GLCCI1: variants seen among roughly 807,000 people sequenced by gnomAD.
The protein encoded by GLCCI1 is glucocorticoid-induced transcript 1 protein.
A neutral mutation model predicts 52.2 loss-of-function variants in GLCCI1; 24 were observed. That is an observed-to-expected ratio of 0.46 (90% CI 0.33 to 0.65). The LOEUF is 0.65. Ranked by LOEUF, GLCCI1 falls within the 30% of genes least tolerant of loss-of-function variation. The pLI is 0.02. For missense variants in GLCCI1, 704 were observed against 701.5 expected (o/e 1.00, Z -0.04); for synonymous variants, 310 against 276.5 (o/e 1.12, Z -1.20).
chr7:8,016,027 C>T (rs984495764), intron 2 of GLCCI1, among the ~76,000 whole-genome samples: 1 of 152,112 alleles, frequency 6.6e-6, no homozygotes, highest in Non-Finnish European at 1.5e-5. Flanking sequence ...TACTCTGGTC[C>T]CCTGACCTGT....
At chr7:7,976,918 T>G (rs1215949495) in intron 1 of GLCCI1, among the ~76,000 whole-genome samples, 1 of 144,974 alleles carries the variant, frequency 6.9e-6, no homozygotes, top group Non-Finnish European at 1.5e-5. Context: ...TGGGGTGTTG[T>G]CTCAAAAAAA....
chr7:8,026,848 TA>T (rs369246973), intron 3 of GLCCI1, among the ~76,000 whole-genome samples: 25 of 152,170 alleles, frequency 1.6e-4, no homozygotes, highest in Middle Eastern at 3.4e-3. Flanking sequence ...GAGGAGAAAG[TA>T]AGGGAAAAGA....
At chr7:7,974,459 G>A (rs776137997) in intron 1 of GLCCI1, among the ~76,000 whole-genome samples, 7 of 152,128 alleles carry the variant, frequency 4.6e-5, no homozygotes, top group Admixed American at 3.3e-4. Flanking sequence ...AAGGACTGCC[G>A]TGTACGTTTC....
chr7:8,064,601 A>G (rs1321044597), intron 5 of GLCCI1, among the ~76,000 whole-genome samples: 1 of 152,164 alleles, frequency 6.6e-6, no homozygotes, highest in Non-Finnish European at 1.5e-5. Context: ...TTGGTTCTAT[A>G]TGAATTTTAA....
intron 2 of GLCCI1, among the ~76,000 whole-genome samples, chr7:8,004,538 A>G (rs1003105122): frequency 6.6e-6 from 1 of 152,194 alleles, no homozygotes; most frequent in Non-Finnish European, 1.5e-5. Flanking sequence ...TTTTGGAAGG[A>G]TCTCCAAGCT....
intron 1 of GLCCI1, among the ~76,000 whole-genome samples, chr7:8,000,429 C>G (rs1159069274): frequency 1.3e-5 from 2 of 151,814 alleles, no homozygotes; most frequent in African/African-American, 4.8e-5. Flanking sequence ...GGAGAAGAAA[C>G]AAACAATAAA....
intron 6 of GLCCI1, among the ~76,000 whole-genome samples, chr7:8,076,717 ATTGT>A (rs1371878279): frequency 6.6e-6 from 1 of 152,188 alleles, no homozygotes; most frequent in African/African-American, 2.4e-5. Flanking sequence ...ATTTCACTTA[ATTGT>A]TTGTCTATTT....
intron 1 of GLCCI1, among the ~76,000 whole-genome samples, chr7:7,970,221 C>T (rs534622127): frequency 6.6e-6 from 1 of 152,286 alleles, no homozygotes; most frequent in East Asian, 1.9e-4. Flanking sequence ...CCTAACGTGC[C>T]TGTAACTACC....
intron 3 of GLCCI1, among the ~76,000 whole-genome samples, chr7:8,023,505 A>G (rs912197333): frequency 6.0e-5 from 9 of 151,192 alleles, no homozygotes; most frequent in African/African-American, 2.2e-4. Flanking sequence ...TACAAATTAC[A>G]GAAACTTTAG....
At chr7:8,060,327 C>A in intron 5 of GLCCI1, 79 bp downstream of exon 5, 2 of 1,131,508 alleles carry the variant, frequency 1.8e-6, no homozygotes, top group Non-Finnish European at 2.6e-6. Context: ...TTGGTAACAG[C>A]TTTGTTAAGA....
intron 1 of GLCCI1, chr7:7,981,814 A>C (rs1008840785): frequency 2.4e-6 from 1 of 423,502 alleles, no homozygotes; most frequent in Non-Finnish European, 4.7e-6. Context: ...TCTGAAAGAT[A>C]AAGTAAGCCC....
At chr7:8,081,941 C>A (rs1783003865) in intron 6 of GLCCI1, among the ~76,000 whole-genome samples, 1 of 152,114 alleles carries the variant, frequency 6.6e-6, no homozygotes, top group Non-Finnish European at 1.5e-5. Context: ...TTGACATTAG[C>A]TATGATGTTA....
At chr7:7,977,757 A>G (rs1780525057) in intron 1 of GLCCI1, among the ~76,000 whole-genome samples, 2 of 152,230 alleles carry the variant, frequency 1.3e-5, no homozygotes, top group Admixed American at 6.5e-5. Context: ...CTTTATGCCA[A>G]CTAATAATCT....
chr7:8,016,011 C>T (rs1201904069), intron 2 of GLCCI1, among the ~76,000 whole-genome samples: 2 of 152,160 alleles, frequency 1.3e-5, no homozygotes, highest in Non-Finnish European at 2.9e-5. Context: ...TTTGGAATAA[C>T]ACTCTTACTC....
Position 8,085,084 on chromosome 7 carries a change from A to T in GLCCI1, c.1298+67A>T, listed in dbSNP as rs561281645. 20 of 1,568,286 alleles carry T rather than the reference A, an allele frequency of 1.3e-5. No individual in the cohort carries two copies. In the South Asian group the frequency reaches 2.3e-4, roughly 18 times the overall value. On this transcript the variant is annotated intron_variant, in intron 7 of 7. Transcript: ENST00000223145. Reference sequence around the variant, plus strand: ...TAAAGCTTTTTACTGAGACCAGTTGATTACATATGAATCAACTACTCTATC... The same window carrying T: ...TAAAGCTTTTTACTGAGACCAGTTGTTTACATATGAATCAACTACTCTATC...
intron 6 of GLCCI1, among the ~76,000 whole-genome samples, chr7:8,073,083 C>G (rs534898637): frequency 2.6e-4 from 40 of 152,236 alleles, no homozygotes; most frequent in African/African-American, 9.4e-4. Context: ...AATCATGTCA[C>G]TCTCCTGCCA....
rs188616754 is a variant in GLCCI1, at chr7:8,075,264, C to T, written c.1177+4133C>T. Among the ~76,000 whole-genome samples, 7 of 152,032 alleles carry T rather than the reference C, an allele frequency of 4.6e-5. No homozygotes were observed. The East Asian group carries it at 7.7e-4, about 17-fold the overall frequency. On this transcript the variant is annotated intron_variant, in intron 6 of 7. Transcript: ENST00000223145. ...TTGTTTCAAGTGAATGGGTTTTTGG[C>T]GTTTCGTTTTGATTTTTTACTAGAT...
At position 7,979,563 on chromosome 7, in the gene GLCCI1, A is replaced by C. The variant is rs1583941334; in HGVS notation, c.457+9756A>C. 2.0e-5 allele frequency among the ~76,000 whole-genome samples: 3 copies of C among 152,280 alleles called. No individual in the cohort carries two copies. The East Asian group carries it at 5.8e-4, about 29-fold the overall frequency. On this transcript the variant is annotated intron_variant, in intron 1 of 7. Coordinates refer to ENST00000223145, the MANE Select transcript of GLCCI1 (RefSeq NM_138426.4). Reference sequence around the variant, plus strand: ...CCTATGGTTTCTATAACATACTTACATCTAACGTATCTTGCTGCCTTTACC... The same window carrying C: ...CCTATGGTTTCTATAACATACTTACCTCTAACGTATCTTGCTGCCTTTACC...
chr7:7,988,215 C>G (rs753737106), intron 1 of GLCCI1, among the ~76,000 whole-genome samples: 7 of 152,112 alleles, frequency 4.6e-5, no homozygotes, highest in Non-Finnish European at 5.9e-5. Flanking sequence ...GTGGTTAAGT[C>G]TATGTTAAAA....
Sources: allele counts gnomAD v4.1 joint callset (sites outside exome capture counted in the v4.1 genomes callset), GRCh38; gene constraint gnomAD v4.1.1; transcripts MANE v1.5; gene names NCBI Gene and HGNC (gene_info 2026-07-23, HGNC 2026-07-21).